The following WDR27 variants were observed in gnomAD, a reference collection of about 807,000 sequenced individuals.
WDR27 encodes the protein WD repeat-containing protein 27.
A neutral mutation model predicts 114.4 loss-of-function variants in WDR27; 100 were observed. The observed-to-expected ratio is 0.87, with a 90% CI of 0.74 to 1.03. The LOEUF (loss-of-function observed/expected upper bound fraction) is 1.03. Ranked by LOEUF, WDR27 falls within the 50% of genes least tolerant of loss-of-function variation. WDR27 has a pLI of 0.00. For missense variants in WDR27, 1,129 were observed against 1,092.9 expected (o/e 1.03, Z -0.47); for synonymous variants, 449 against 423.1 (o/e 1.06, Z -0.75).
chr6:169,477,500 G>A (rs1787346368), intron 25 of WDR27, among the ~76,000 whole-genome samples: 1 of 152,142 alleles, frequency 6.6e-6, no homozygotes, highest in African/African-American at 2.4e-5. Context: ...GTGCAGTGGT[G>A]CAATCTCAGC....
At chr6:169,664,022 T>C (rs949731900) in intron 8 of WDR27, 144 bp downstream of exon 8, 5 of 759,314 alleles carry the variant, frequency 6.6e-6, no homozygotes, top group Non-Finnish European at 1.0e-5. Context: ...CTGCAGGGCC[T>C]CAGTGGTTTT....
chr6:169,565,860 G>A (rs993841031), intron 25 of WDR27, among the ~76,000 whole-genome samples: 2 of 152,142 alleles, frequency 1.3e-5, no homozygotes, highest in Non-Finnish European at 2.9e-5. Flanking sequence ...ATGTTGCCCA[G>A]ACTGCTCTCC....
Position 169,670,609 on chromosome 6 carries a change from GCAA to G in WDR27, c.413_415del (p.Val138del). Reference sequence around the variant, plus strand: ...GAATATTTTGTTTCCAGCACACACGGCAACAACATGATCATCCAGGCTCAACTG... The same window carrying G: ...GAATATTTTGTTTCCAGCACACACGGCAACATGATCATCCAGGCTCAACTG... On this transcript the variant is annotated inframe_deletion, in exon 4 of 26. Coordinates refer to ENST00000448612, the MANE Select transcript of WDR27 (RefSeq NM_182552.5). 2 of 1,613,878 alleles carry G rather than the reference GCAA, an allele frequency of 1.2e-6. No homozygotes were observed. Among genetic ancestry groups the G allele is most frequent in the East Asian group, 2.2e-5 (1 of 44,856 alleles).
At chr6:169,427,995 A>G in the WDR27 span, among the ~76,000 whole-genome samples, 3 of 152,138 alleles carry the variant, frequency 2.0e-5, no homozygotes, top group Non-Finnish European at 4.4e-5. Context: ...GGGGTCCCGG[A>G]GAAAGCAGAA....
At chr6:169,547,944 G>A (rs1461087484) in intron 25 of WDR27, among the ~76,000 whole-genome samples, 3 of 151,274 alleles carry the variant, frequency 2.0e-5, no homozygotes, top group Non-Finnish European at 2.9e-5. Context: ...GGAACAAACA[G>A]TGATTTTAGC....
the WDR27 span, among the ~76,000 whole-genome samples, chr6:169,427,796 GACAA>G: frequency 1.8e-5 from 2 of 108,954 alleles, no homozygotes; most frequent in Admixed American, 1.0e-4. Context: ...AACAAGTGAA[GACAA>G]ACAACAACCA....
At chr6:169,452,352 T>C (rs997987857), downstream of WDR27, among the ~76,000 whole-genome samples, 3 of 152,232 alleles carry the variant, frequency 2.0e-5, no homozygotes, top group Non-Finnish European at 4.4e-5. Context: ...GTCCGTGTTT[T>C]CTTGGTAACT....
intron 2 of WDR27, among the ~76,000 whole-genome samples, chr6:169,674,649 T>C (rs371859104): frequency 5.3e-4 from 80 of 152,262 alleles, no homozygotes; most frequent in South Asian, 3.9e-3. Flanking sequence ...GAGGGGAATA[T>C]TTGAAGAAAT....
intron 25 of WDR27, among the ~76,000 whole-genome samples, chr6:169,564,599 T>C (rs937884953): frequency 1.3e-5 from 2 of 152,136 alleles, no homozygotes; most frequent in East Asian, 1.9e-4. Flanking sequence ...GGGGAGAGTG[T>C]GCTGGGCTGC....
At chr6:169,619,516 C>G (rs1442111822) in intron 21 of WDR27, among the ~76,000 whole-genome samples, 1 of 152,178 alleles carries the variant, frequency 6.6e-6, no homozygotes, top group African/African-American at 2.4e-5. Flanking sequence ...TGGTTTTATA[C>G]ATTTTAGGGA....
chr6:169,525,165 G>T (rs1039897358), intron 25 of WDR27, among the ~76,000 whole-genome samples: 1 of 152,084 alleles, frequency 6.6e-6, no homozygotes, highest in African/African-American at 2.4e-5. Context: ...ATAGGTATAT[G>T]AAAAAATGCT....
At chr6:169,675,269 T>C (rs540688804) in intron 2 of WDR27, among the ~76,000 whole-genome samples, 1 of 152,152 alleles carries the variant, frequency 6.6e-6, no homozygotes, top group East Asian at 1.9e-4. Context: ...TGAGATCTGA[T>C]CATTTAAAAG....
At chr6:169,462,533 G>C (rs939100219) in intron 25 of WDR27, among the ~76,000 whole-genome samples, 1 of 149,284 alleles carries the variant, frequency 6.7e-6, no homozygotes, top group African/African-American at 2.6e-5. Context: ...AGACTCGATG[G>C]CTTTGCCAGT....
chr6:169,575,280 C>A (rs1159956938), intron 24 of WDR27, among the ~76,000 whole-genome samples: 1 of 128,842 alleles, frequency 7.8e-6, no homozygotes, highest in Admixed American at 8.0e-5. Flanking sequence ...CTCCATCCAT[C>A]CCTCCCTCCC....
Position 169,666,783 on chromosome 6 carries a change from G to A in WDR27, c.712+353C>T, listed in dbSNP as rs935099142. 7.9e-6 allele frequency: 8 copies of A among 1,012,006 alleles called. No individual in the cohort carries two copies. In the South Asian group the frequency reaches 1.3e-4, roughly 17 times the overall value. 62.7% of individuals were successfully genotyped at this position (1,012,006 alleles called of 1,614,324 possible). A position where few individuals can be genotyped will look rare whatever the true frequency, so the allele number is the denominator to read the frequency against. Reference sequence around the variant, plus strand: ...AAGCTCACGCTGGATGGACAGGGCAGTCCTGGCCCTACCAACACCGCTGGT... The same window carrying A: ...AAGCTCACGCTGGATGGACAGGGCAATCCTGGCCCTACCAACACCGCTGGT... On this transcript the variant is annotated intron_variant, in intron 6 of 25. Transcript: ENST00000448612.
chr6:169,667,943 C>G (rs767323204), intron 5 of WDR27, 39 bp downstream of exon 5: 5 of 1,565,202 alleles, frequency 3.2e-6, no homozygotes, highest in Middle Eastern at 2.1e-4. Flanking sequence ...TTCCACAGCA[C>G]GTGCCACGCG....
At chr6:169,686,107 T>A (rs1782881943) in intron 2 of WDR27, among the ~76,000 whole-genome samples, 1 of 152,174 alleles carries the variant, frequency 6.6e-6, no homozygotes, top group South Asian at 2.1e-4. Flanking sequence ...AAGCTATTTT[T>A]AAGAAATGAA....
intron 25 of WDR27, among the ~76,000 whole-genome samples, chr6:169,566,170 G>C (rs903109854): frequency 2.0e-5 from 3 of 151,778 alleles, no homozygotes; most frequent in African/African-American, 7.2e-5. Context: ...GAAGAAACCA[G>C]ATCAATTATG....
At chr6:169,523,159 C>A (rs1794590335) in intron 25 of WDR27, among the ~76,000 whole-genome samples, 1 of 151,946 alleles carries the variant, frequency 6.6e-6, no homozygotes, top group Non-Finnish European at 1.5e-5. Flanking sequence ...CTATTATGAA[C>A]AATGATATGC....
Sources: gnomAD v4.1 joint callset for allele counts (sites outside exome capture counted in the v4.1 genomes callset) on GRCh38, gnomAD v4.1.1 for gene constraint, MANE v1.5 for transcripts, NCBI Gene and HGNC (gene_info 2026-07-23, HGNC 2026-07-21) for gene names.